The following GLT8D2 variants were observed in gnomAD, a reference collection of about 807,000 sequenced individuals.
GLT8D2 encodes glycosyltransferase 8 domain-containing protein 2.
A neutral mutation model predicts 44.5 loss-of-function variants in GLT8D2; 45 were observed. That is an observed-to-expected ratio of 1.01 (90% CI 0.80 to 1.30). The LOEUF is 1.30. Among genes scored for constraint, GLT8D2 ranks in the 50% most tolerant of loss-of-function variants. The pLI, the probability that GLT8D2 is intolerant of heterozygous loss-of-function variation, is 0.00. For missense variants in GLT8D2, 400 were observed against 430.4 expected (o/e 0.93, Z 0.62); for synonymous variants, 156 against 157.2 (o/e 0.99, Z 0.06).
intron 10 of GLT8D2, among the ~76,000 whole-genome samples, chr12:103,992,299 CACAGAGT>C (rs1195837487): frequency 6.6e-6 from 1 of 152,190 alleles, no homozygotes; most frequent in East Asian, 1.9e-4. Context: ...TTAGAGAACT[CACAGAGT>C]ACAGAGTCAA....
chr12:104,030,699 C>G, intron 1 of GLT8D2: 1 of 1,603,396 alleles, frequency 6.2e-7, no homozygotes, highest in Non-Finnish European at 8.5e-7. Flanking sequence ...AGCAAAAAAA[C>G]AAATAACTTG....
Position 104,021,974 on chromosome 12 carries a change from AGAGGAAGAG to A in GLT8D2, c.-163-492_-163-484del, listed in dbSNP as rs1566202622. 4.4e-4 allele frequency among the ~76,000 whole-genome samples: 34 copies of A among 77,250 alleles called. 3 individuals are homozygous for A. The highest frequency in any genetic ancestry group is 4.8e-3 in the Middle Eastern group (1 of 208). The allele number at this position is 77,250 out of a possible 152,430, so 50.7% of individuals were successfully genotyped here. On this transcript the variant is annotated intron_variant, in intron 1 of 10. Transcript: ENST00000360814. ...AAGAAGAGGAAGAAGAGGAAGAGGA[AGAGGAAGAG>A]GAAGAAGAAGAAGAAGAAGAAGAAG...
At position 104,018,968 on chromosome 12, in the gene GLT8D2, C is replaced by G. The variant is rs1877259409; in HGVS notation, c.19+662G>C. On this transcript the variant is annotated intron_variant, in intron 3 of 10. Coordinates refer to ENST00000360814, the MANE Select transcript of GLT8D2 (RefSeq NM_001384711.1). ...TGATGGGTATGAAGATTCGAGATGA[C>G]TCTTTAAGACTAAGAACGCAAAATT... Among the ~76,000 whole-genome samples, 3 of 152,224 alleles carry G rather than the reference C, an allele frequency of 2.0e-5. No homozygotes were observed. The South Asian group carries it at 6.2e-4, about 32-fold the overall frequency.
At chr12:104,058,948 C>T (rs868150104) in intron 1 of GLT8D2, among the ~76,000 whole-genome samples, 1 of 152,160 alleles carries the variant, frequency 6.6e-6, no homozygotes, top group African/African-American at 2.4e-5. Context: ...TACTCAATTA[C>T]GAATGGGCAG....
At chr12:104,025,942 T>A (rs776504088) in intron 1 of GLT8D2, among the ~76,000 whole-genome samples, 1 of 152,176 alleles carries the variant, frequency 6.6e-6, no homozygotes, top group African/African-American at 2.4e-5. Context: ...CAGATATGAT[T>A]AGTCATCAGT....
rs551438419 is a variant in GLT8D2, at chr12:104,010,339, C to T, written c.112+4674G>A. ...AGTGCCTTTGCACATGATGTTCCTTCCCAATGCCTGGAATGATTTCAATAT... is the reference window on the plus strand; with the variant it reads ...AGTGCCTTTGCACATGATGTTCCTTTCCAATGCCTGGAATGATTTCAATAT... On this transcript the variant is annotated intron_variant, in intron 4 of 10. Coordinates refer to ENST00000360814, the MANE Select transcript of GLT8D2 (RefSeq NM_001384711.1). 4.6e-5 allele frequency among the ~76,000 whole-genome samples: 7 copies of T among 152,338 alleles called. No individual in the cohort carries two copies. In the South Asian group the frequency reaches 1.5e-3, roughly 32 times the overall value.
chr12:104,014,816 T>C (rs1263579724), intron 4 of GLT8D2, among the ~76,000 whole-genome samples, 197 bp downstream of exon 4: 2 of 152,192 alleles, frequency 1.3e-5, no homozygotes, highest in Non-Finnish European at 2.9e-5. Context: ...CTCTCACACA[T>C]GCTAAAGTTT....
intron 1 of GLT8D2, among the ~76,000 whole-genome samples, chr12:104,038,408 C>A (rs1052806865): frequency 3.9e-5 from 6 of 152,206 alleles, no homozygotes; most frequent in African/African-American, 7.2e-5. Flanking sequence ...ATCGTCTCAG[C>A]CCATAATCTC....
chr12:103,992,017 G>T (rs1872800233), intron 10 of GLT8D2, among the ~76,000 whole-genome samples: 2 of 152,026 alleles, frequency 1.3e-5, no homozygotes, highest in African/African-American at 2.4e-5. Flanking sequence ...AAAACAAAAG[G>T]TTTTTTAATA....
intron 3 of GLT8D2, among the ~76,000 whole-genome samples, chr12:104,016,815 GAA>G (rs1373484599): frequency 5.9e-5 from 6 of 100,960 alleles, no homozygotes; most frequent in Non-Finnish European, 1.2e-4. Context: ...AGGAAAGAAA[GAA>G]AGAGAAAGAA....
chr12:103,999,583 A>G (rs969126701), intron 5 of GLT8D2, 69 bp from the exon 6 acceptor site: 43 of 894,834 alleles, frequency 4.8e-5, no homozygotes, highest in Non-Finnish European at 7.6e-5. Context: ...TATTGCCCCA[A>G]GGTCAATCTG....
chr12:104,001,088 T>A (rs1358470004), intron 5 of GLT8D2, among the ~76,000 whole-genome samples: 2 of 152,246 alleles, frequency 1.3e-5, no homozygotes, highest in Non-Finnish European at 2.9e-5. Flanking sequence ...AACACATACA[T>A]GTACATGTAC....
In GLT8D2 at chr12:104,029,873, TG is replaced by T. The variant is rs1879047057; in HGVS notation, c.-163-8383del. On this transcript the variant is annotated intron_variant, in intron 1 of 10. Coordinates refer to ENST00000360814, the MANE Select transcript of GLT8D2 (RefSeq NM_001384711.1). ...TATAGTTATGCCCTCAAAAAAGTGA[TG>T]GGGGTTGAAAGAATCAACATTGTCA... 3.9e-5 allele frequency: 6 copies of T among 152,214 alleles called. No individual in the cohort carries two copies. The South Asian group carries it at 1.2e-3, about 32-fold the overall frequency. 9.4% of individuals were successfully genotyped at this position (152,214 alleles called of 1,614,324 possible).
intron 1 of GLT8D2, among the ~76,000 whole-genome samples, chr12:104,061,113 A>T (rs1413234879): frequency 6.6e-6 from 1 of 152,142 alleles, no homozygotes; most frequent in Non-Finnish European, 1.5e-5. Context: ...AGCCCTACTG[A>T]CACTTTGATT....
intron 1 of GLT8D2, among the ~76,000 whole-genome samples, chr12:104,033,796 GTGTGTGTGTGTA>G (rs1879619674): frequency 1.4e-5 from 1 of 72,206 alleles, no homozygotes; most frequent in Non-Finnish European, 2.6e-5. Flanking sequence ...GTATATATGT[GTGTGTGTGTGTA>G]TATATATATA....
In GLT8D2 at chr12:104,021,933, GAAGAA is replaced by G. The variant is rs1566202429; in HGVS notation, c.-163-447_-163-443del. Among the ~76,000 whole-genome samples, 51 of 24,854 alleles carry G rather than the reference GAAGAA, an allele frequency of 2.1e-3. 2 individuals are homozygous for G. The highest frequency in any genetic ancestry group is 9.4e-3 in the East Asian group (5 of 532). The allele number at this position is 24,854 out of a possible 152,430, so 16.3% of individuals were successfully genotyped here. ...AGAAGAAGAAGAAGAAGAAGAAGAA[GAAGAA>G]GAAGAAGAAGAAGAAGAGGAAGAAG... On this transcript the variant is annotated intron_variant, in intron 1 of 10. Coordinates refer to ENST00000360814, the MANE Select transcript of GLT8D2 (RefSeq NM_001384711.1).
chr12:104,015,017 G>GT lies in GLT8D2; in HGVS notation c.107dup (p.Asp36GlufsTer4), dbSNP rs1876369558. ...ATGAATTCCATGTCTGCTCACCTGC[G>GT]TCATTCTTGGGCACAGTCCCCTTAT... On this transcript the variant is annotated frameshift_variant, in exon 4 of 11. Transcript: ENST00000360814. LOFTEE classifies it high-confidence loss of function. 1 of 1,608,440 alleles carries GT rather than the reference G, an allele frequency of 6.2e-7. No individual in the cohort carries two copies. The highest frequency in any genetic ancestry group is 1.3e-5 in the African/African-American group (1 of 74,764).
At position 103,989,845 on chromosome 12, in the gene GLT8D2, TA is replaced by T. The variant is rs1355930308; in HGVS notation, c.881-269del. 5.3e-5 allele frequency among the ~76,000 whole-genome samples: 8 copies of T among 151,076 alleles called. No homozygotes were observed. In the East Asian group the frequency reaches 9.7e-4, roughly 18 times the overall value. The stretch of plus-strand genomic sequence containing the variant: ...ATAGAGCATACTGCTACCTTGCCTT[TA>T]AAAAAAAATTATTTTGTTTCTTTAT... On this transcript the variant is annotated intron_variant, in intron 10 of 10. Coordinates refer to ENST00000360814, the MANE Select transcript of GLT8D2 (RefSeq NM_001384711.1).
chr12:104,029,820 C>T (rs117099981), intron 1 of GLT8D2: 1 of 152,244 alleles, frequency 6.6e-6, no homozygotes, highest in Non-Finnish European at 1.5e-5. Flanking sequence ...GCAGACAATT[C>T]TATTAGATCT....
Sources: gnomAD v4.1 joint callset for allele counts (sites outside exome capture counted in the v4.1 genomes callset) on GRCh38, gnomAD v4.1.1 for gene constraint, MANE v1.5 for transcripts, NCBI Gene and HGNC (gene_info 2026-07-23, HGNC 2026-07-21) for gene names.